Variants in PIEZO2 observed in about 807,000 individuals in gnomAD.
PIEZO2 encodes the protein piezo-type mechanosensitive ion channel component 2.
Under a neutral mutation model 337.3 loss-of-function variants are expected in PIEZO2, and 172 were observed. The ratio of observed to expected loss-of-function variants is 0.51; its 90% CI spans 0.45 to 0.58. The LOEUF (loss-of-function observed/expected upper bound fraction) is 0.58. PIEZO2 is among the 20% of genes least tolerant of loss of function. PIEZO2 has a pLI of 0.00. For synonymous variants in PIEZO2, 1,251 were observed against 1,228.5 expected, an observed-to-expected ratio of 1.02 and a Z score of -0.38; for missense variants, 3,028 against 3,391.3, an observed-to-expected ratio of 0.89 and a Z score of 2.66.
intron 3 of PIEZO2, among the ~76,000 whole-genome samples, chr18:10,924,869 T>C (rs1598697908): frequency 6.6e-6 from 1 of 152,188 alleles, no homozygotes; most frequent in Middle Eastern, 3.4e-3. Context: ...TTGCCAGAAG[T>C]GTGTGCCAAA....
In PIEZO2 at chr18:10,954,789, C is replaced by T. The variant is rs907849523; in HGVS notation, c.286+24746G>A. On this transcript the variant is annotated intron_variant, in intron 3 of 55. Coordinates refer to ENST00000674853, the MANE Select transcript of PIEZO2 (RefSeq NM_001378183.1). The surrounding 1 kb of genome is among the most constrained non-coding windows in gnomAD (Gnocchi z 4.2). ...GAAGCAACGCATGAGAAGCATCTGACGCTAAAGAGAACAGAGAACTCAGAA... is the reference window on the plus strand; with the variant it reads ...GAAGCAACGCATGAGAAGCATCTGATGCTAAAGAGAACAGAGAACTCAGAA... 4.6e-5 allele frequency among the ~76,000 whole-genome samples: 7 copies of T among 152,190 alleles called. No individual in the cohort carries two copies. Among genetic ancestry groups the T allele is most frequent in the African/African-American group, 9.6e-5 (4 of 41,452 alleles).
At chr18:10,948,950 A>G (rs756727011) in intron 3 of PIEZO2, among the ~76,000 whole-genome samples, 1 of 152,198 alleles carries the variant, frequency 6.6e-6, no homozygotes, top group African/African-American at 2.4e-5. Flanking sequence ...AGCCTTTTGT[A>G]AACAGGTTGC....
chr18:11,121,993 A>G (rs928055750), intron 1 of PIEZO2, among the ~76,000 whole-genome samples: 10 of 151,948 alleles, frequency 6.6e-5, no homozygotes, highest in African/African-American at 2.4e-4. Flanking sequence ...TTGCTCTGTC[A>G]CCCAGGCTGG....
rs2038293938 is a variant in PIEZO2 at position 11,070,310 on chromosome 18, C to T, written c.65-4088G>A. Among the ~76,000 whole-genome samples the T allele has an allele frequency of 6.6e-6, 1 of 152,054 alleles. No homozygotes were observed. Among genetic ancestry groups the T allele is most frequent in the South Asian group, 2.1e-4 (1 of 4,820 alleles). On this transcript the variant is annotated intron_variant, in intron 1 of 55. Coordinates refer to ENST00000674853, the MANE Select transcript of PIEZO2 (RefSeq NM_001378183.1). This position sits in a 1 kb window ranked among gnomAD's most constrained non-coding sequence, Gnocchi z 4.3. ...ATACGGCACTATAATCTTAGGGGAC[C>T]AACCCCACAGACTGTCAACATTCCT...
intron 1 of PIEZO2, among the ~76,000 whole-genome samples, chr18:11,082,045 C>T (rs2038761448): frequency 6.6e-6 from 1 of 151,988 alleles, no homozygotes; most frequent in African/African-American, 2.4e-5. Flanking sequence ...CAGGCGTGAG[C>T]CACTGCGCCC....
Position 10,704,314 on chromosome 18 carries a change from A to G in PIEZO2, c.6258+80T>C, listed in dbSNP as rs543783081. 1.9e-4 allele frequency: 283 copies of G among 1,482,274 alleles called. 1 individual carries two copies. In the South Asian group the frequency reaches 3.7e-3, roughly 19 times the overall value. 91.8% of individuals were successfully genotyped at this position (1,482,274 alleles called of 1,614,324 possible). A position where few individuals can be genotyped will look rare whatever the true frequency, so the allele number is the denominator to read the frequency against. On this transcript the variant is annotated intron_variant, in intron 42 of 55. Transcript: ENST00000674853. ...GGGATCAGGGCAGGCCCGTCTCAAG[A>G]GAGGGCACAGGGACACAAGGTATGC...
At chr18:11,012,588 AT>A (rs749775144) in intron 2 of PIEZO2, among the ~76,000 whole-genome samples, 4 of 151,856 alleles carry the variant, frequency 2.6e-5, no homozygotes, top group African/African-American at 4.8e-5. Context: ...ATTTCGATTG[AT>A]TTTTTTTTAA....
At position 11,147,583 on chromosome 18, in the gene PIEZO2, G is replaced by T. The variant is rs369981180; in HGVS notation, c.64+942C>A. ...GAAGGCCACGCCCTCTGTAAATACA[G>T]TTACTACTTGGTGAAAAGCGCTCTA... On this transcript the variant is annotated intron_variant, in intron 1 of 55. Transcript: ENST00000674853. 7.9e-5 allele frequency among the ~76,000 whole-genome samples: 12 copies of T among 152,372 alleles called. 1 individual carries two copies. The highest frequency in any genetic ancestry group is 2.9e-4 in the African/African-American group (12 of 41,580).
rs1428455381 is a variant in PIEZO2 at position 10,676,643 on chromosome 18, A to G, written c.8081+1104T>C. Among the ~76,000 whole-genome samples the G allele has an allele frequency of 6.6e-6, 1 of 152,188 alleles. No individual in the cohort carries two copies. Among genetic ancestry groups the G allele is most frequent in the Non-Finnish European group, 1.5e-5 (1 of 68,034 alleles). On this transcript the variant is annotated intron_variant, in intron 53 of 55. Coordinates refer to ENST00000674853, the MANE Select transcript of PIEZO2 (RefSeq NM_001378183.1). The surrounding 1 kb of genome is among the most constrained non-coding windows in gnomAD (Gnocchi z 5.1). ...GGTCTTTGCCTGGCTTTTGGTGATT[A>G]TGGTCAGATAAGAGCAAGGTTTGTC...
Position 10,870,149 on chromosome 18 carries a change from T to C in PIEZO2, c.492+1104A>G, listed in dbSNP as rs948929679. Reference sequence around the variant, plus strand: ...CCTGGGCCTCCCAAGGTGCTGGGATTACAGGTCTGAGCCACAGTGCCTGGC... The same window carrying C: ...CCTGGGCCTCCCAAGGTGCTGGGATCACAGGTCTGAGCCACAGTGCCTGGC... On this transcript the variant is annotated intron_variant, in intron 5 of 55. Coordinates refer to ENST00000674853, the MANE Select transcript of PIEZO2 (RefSeq NM_001378183.1). This position sits in a 1 kb window ranked among gnomAD's most constrained non-coding sequence, Gnocchi z 5.3. Among the ~76,000 whole-genome samples the C allele has an allele frequency of 6.6e-6, 1 of 152,220 alleles. No homozygotes were observed. Among genetic ancestry groups the C allele is most frequent in the Non-Finnish European group, 1.5e-5 (1 of 68,042 alleles).
intron 3 of PIEZO2, among the ~76,000 whole-genome samples, chr18:10,959,106 A>G (rs1015157426): frequency 2.0e-5 from 3 of 152,306 alleles, no homozygotes; most frequent in South Asian, 4.1e-4. Context: ...TCAGTCTTAC[A>G]ACTGAAATGT....
At chr18:10,912,341 C>T (rs961484702) in intron 3 of PIEZO2, among the ~76,000 whole-genome samples, 23 of 152,172 alleles carry the variant, frequency 1.5e-4, no homozygotes, top group Non-Finnish European at 2.6e-4. Flanking sequence ...CATTTGTTTA[C>T]ATTTTCCTGA....
At position 11,069,431 on chromosome 18, in the gene PIEZO2, A is replaced by C. The variant is rs1031980427; in HGVS notation, c.65-3209T>G. Among the ~76,000 whole-genome samples the C allele has an allele frequency of 6.6e-6, 1 of 152,220 alleles. No individual in the cohort carries two copies. Among genetic ancestry groups the C allele is most frequent in the African/African-American group, 2.4e-5 (1 of 41,452 alleles). ...TAACAGAATGAAGAACAAAAGCCAT[A>C]TATCTTCTCAAAAGATGCAGAAAAA... On this transcript the variant is annotated intron_variant, in intron 1 of 55. Transcript: ENST00000674853. The surrounding 1 kb of genome is among the most constrained non-coding windows in gnomAD (Gnocchi z 4.9).
At position 10,979,325 on chromosome 18, in the gene PIEZO2, C is replaced by G. The variant is rs1376426608; in HGVS notation, c.286+210G>C. Among the ~76,000 whole-genome samples the G allele has an allele frequency of 6.6e-6, 1 of 151,894 alleles. No individual in the cohort carries two copies. Among genetic ancestry groups the G allele is most frequent in the Non-Finnish European group, 1.5e-5 (1 of 67,992 alleles). ...TGATCTCCAATACATGCTGAAGAGTCATTCATAAACTTAATCTCATGATCC... is the reference window on the plus strand; with the variant it reads ...TGATCTCCAATACATGCTGAAGAGTGATTCATAAACTTAATCTCATGATCC... On this transcript the variant is annotated intron_variant, in intron 3 of 55. Transcript: ENST00000674853. This position sits in a 1 kb window ranked among gnomAD's most constrained non-coding sequence, Gnocchi z 4.0.
chr18:10,820,327 A>T (rs1463287666), intron 7 of PIEZO2, among the ~76,000 whole-genome samples: 1 of 149,988 alleles, frequency 6.7e-6, no homozygotes, highest in African/African-American at 2.5e-5. Context: ...CCTATAGCTT[A>T]TGTGGTTCAG....
At position 10,969,485 on chromosome 18, in the gene PIEZO2, C is replaced by T. The variant is rs2034149959; in HGVS notation, c.286+10050G>A. On this transcript the variant is annotated intron_variant, in intron 3 of 55. Transcript: ENST00000674853. The surrounding 1 kb of genome is among the most constrained non-coding windows in gnomAD (Gnocchi z 4.5). Reference sequence around the variant, plus strand: ...ACCTCCTTGTTAAAGCACAGTCCCACACCTCCTTTTCTTCTCTTTCCTTCC... The same window carrying T: ...ACCTCCTTGTTAAAGCACAGTCCCATACCTCCTTTTCTTCTCTTTCCTTCC... Among the ~76,000 whole-genome samples the T allele has an allele frequency of 6.6e-6, 1 of 152,192 alleles. No individual in the cohort carries two copies. Among genetic ancestry groups the T allele is most frequent in the African/African-American group, 2.4e-5 (1 of 41,446 alleles).
chr18:10,752,010 A>C (rs980736639), intron 28 of PIEZO2, among the ~76,000 whole-genome samples: 32 of 151,726 alleles, frequency 2.1e-4, no homozygotes. Flanking sequence ...GTGGGGGGGG[A>C]GGGTCCCTCA....
chr18:10,764,264 T>A (rs2038261340), intron 21 of PIEZO2, among the ~76,000 whole-genome samples: 2 of 152,250 alleles, frequency 1.3e-5, no homozygotes, highest in Admixed American at 1.3e-4. Flanking sequence ...TGCTCTCATT[T>A]GATACAACTA....
Position 11,025,592 on chromosome 18 carries a change from T to C in PIEZO2, c.160+40535A>G, listed in dbSNP as rs1041921472. Among the ~76,000 whole-genome samples the C allele has an allele frequency of 6.6e-5, 10 of 150,440 alleles. 1 individual carries two copies. In the South Asian group the frequency reaches 8.3e-4, roughly 12 times the overall value. On this transcript the variant is annotated intron_variant, in intron 2 of 55. Coordinates refer to ENST00000674853, the MANE Select transcript of PIEZO2 (RefSeq NM_001378183.1). ...AAGAGAACTCAGGAAACCCAGCTCC[T>C]CTGTGTCTCAGGACGGATGTGCTTT...
Sources: gnomAD v4.1 joint callset for allele counts (sites outside exome capture counted in the v4.1 genomes callset) on GRCh38, gnomAD v4.1.1 for gene constraint, Gnocchi (gnomAD v3.1) non-coding constraint, MANE v1.5 for transcripts, NCBI Gene and HGNC (gene_info 2026-07-23, HGNC 2026-07-21) for gene names.